Variants in AKR1E2 observed in about 807,000 individuals in gnomAD.
The protein encoded by AKR1E2 is aldo-keto reductase family 1 member E2.
A neutral mutation model predicts 41.9 loss-of-function variants in AKR1E2; 43 were observed. That is an observed-to-expected ratio of 1.03 (90% CI 0.80 to 1.32). The LOEUF is 1.32. Among genes scored for constraint, AKR1E2 ranks in the 40% most tolerant of loss-of-function variants. AKR1E2 has a pLI of 0.00. For missense variants in AKR1E2, 423 were observed against 396.5 expected (o/e 1.07, Z -0.57); for synonymous variants, 121 against 138.9 (o/e 0.87, Z 0.91).
At position 4,835,829 on chromosome 10, in the gene AKR1E2, C is replaced by T; in HGVS notation, c.459+20C>T. 1 of 1,612,612 alleles carries T rather than the reference C, an allele frequency of 6.2e-7. No individual in the cohort carries two copies. The highest frequency in any genetic ancestry group is 2.2e-5 in the East Asian group (1 of 44,846). On this transcript the variant is annotated intron_variant, in intron 4 of 9. Coordinates refer to ENST00000298375, the MANE Select transcript of AKR1E2 (RefSeq NM_001040177.3). ...TGGGAGGTGAGCTGAGCCACACCAC[C>T]AGGCAGCCTCATCCTGTGTGGGTCT...
intron 8 of AKR1E2, chr10:4,845,988 G>A: frequency 2.4e-6 from 1 of 413,858 alleles, no homozygotes; most frequent in South Asian, 1.8e-5. Flanking sequence ...GGCATCCAGT[G>A]CAGGGGGCTG....
chr10:4,848,407 T>G (rs1210493396), downstream of AKR1E2, among the ~76,000 whole-genome samples: 1 of 152,226 alleles, frequency 6.6e-6, no homozygotes. Flanking sequence ...TGTGGGTTAA[T>G]GGACTTCCTG....
chr10:4,839,590 A>T (rs950409708), intron 5 of AKR1E2, 139 bp from the exon 6 acceptor site: 21 of 732,130 alleles, frequency 2.9e-5, no homozygotes, highest in Non-Finnish European at 4.9e-5. Context: ...CAGACTCCTC[A>T]CAACAGAAAC....
At chr10:4,832,282 C>A in intron 2 of AKR1E2, among the ~76,000 whole-genome samples, 1 of 152,160 alleles carries the variant, frequency 6.6e-6, no homozygotes, top group Non-Finnish European at 1.5e-5. Flanking sequence ...AGTTTCATAC[C>A]TCAAGATTCA....
chr10:4,842,819 G>A (rs985981086), intron 8 of AKR1E2, among the ~76,000 whole-genome samples: 4 of 152,306 alleles, frequency 2.6e-5, no homozygotes, highest in South Asian at 2.1e-4. Flanking sequence ...ACATGGCTGC[G>A]CTCGCCCACA....
chr10:4,832,560 G>A (rs1449362864), intron 2 of AKR1E2, among the ~76,000 whole-genome samples: 4 of 152,114 alleles, frequency 2.6e-5, no homozygotes, highest in Non-Finnish European at 4.4e-5. Flanking sequence ...TTGGAAATTT[G>A]GAAAAGTCAT....
chr10:4,834,772 A>G (rs1833269049), intron 3 of AKR1E2, among the ~76,000 whole-genome samples: 1 of 152,206 alleles, frequency 6.6e-6, no homozygotes. Flanking sequence ...TGGGTCGTAG[A>G]AAAGGAAAAG....
upstream of AKR1E2, among the ~76,000 whole-genome samples, chr10:4,825,747 T>G (rs1471893650): frequency 6.6e-6 from 1 of 152,196 alleles, no homozygotes; most frequent in African/African-American, 2.4e-5. Flanking sequence ...GCGCACCCTG[T>G]GCCCCAGGGG....
the AKR1E2 span, among the ~76,000 whole-genome samples, chr10:4,869,269 T>C: frequency 6.6e-6 from 1 of 152,174 alleles, no homozygotes; most frequent in African/African-American, 2.4e-5. Flanking sequence ...TTGGGTATTT[T>C]TCAGGGGAAT....
the AKR1E2 span, among the ~76,000 whole-genome samples, chr10:4,865,831 G>A: frequency 2.6e-5 from 4 of 152,092 alleles, no homozygotes; most frequent in Non-Finnish European, 5.9e-5. Flanking sequence ...CAACCCAACC[G>A]TTGCCACCAC....
the AKR1E2 span, among the ~76,000 whole-genome samples, chr10:4,866,645 G>GTTTTTTTT: frequency 1.7e-5 from 2 of 119,198 alleles, no homozygotes; most frequent in South Asian, 2.8e-4. Flanking sequence ...TTTTGTTTTT[G>GTTTTTTTT]TTTTTTTTTT....
chr10:4,862,283 G>A, the AKR1E2 span, among the ~76,000 whole-genome samples: 1 of 152,094 alleles, frequency 6.6e-6, no homozygotes, highest in Non-Finnish European at 1.5e-5. Context: ...CTGTTCCATT[G>A]GTCTATATCT....
At chr10:4,871,645 G>A in the AKR1E2 span, among the ~76,000 whole-genome samples, 1 of 147,560 alleles carries the variant, frequency 6.8e-6, no homozygotes, top group Non-Finnish European at 1.5e-5. Flanking sequence ...AAAAGCAAAT[G>A]CCAAGGCTGC....
At chr10:4,825,469 C>T (rs1274187250), upstream of AKR1E2, among the ~76,000 whole-genome samples, 1 of 152,158 alleles carries the variant, frequency 6.6e-6, no homozygotes, top group African/African-American at 2.4e-5. Context: ...CAGTCCACCC[C>T]ATCCACTTCC....
intron 8 of AKR1E2, among the ~76,000 whole-genome samples, chr10:4,845,568 T>G (rs376431704): frequency 1.3e-5 from 2 of 151,314 alleles, no homozygotes; most frequent in African/African-American, 4.9e-5. Flanking sequence ...GGATTGCCCC[T>G]GGGAGGACAT....
intron 3 of AKR1E2, among the ~76,000 whole-genome samples, chr10:4,834,869 G>GTGATGC: frequency 6.6e-6 from 1 of 152,354 alleles, no homozygotes; most frequent in East Asian, 1.9e-4. Flanking sequence ...TAGGCCTTGT[G>GTGATGC]TGATGCTGGA....
At chr10:4,863,069 A>G in the AKR1E2 span, among the ~76,000 whole-genome samples, 1 of 152,168 alleles carries the variant, frequency 6.6e-6, no homozygotes, top group Non-Finnish European at 1.5e-5. Context: ...AAAGTTAGCA[A>G]GGATATCCAG....
chr10:4,825,179 T>C (rs574383967), upstream of AKR1E2: 3 of 344,274 alleles, frequency 8.7e-6, no homozygotes, highest in Non-Finnish European at 1.8e-5. Flanking sequence ...ACACCCAGAG[T>C]GACCCTGGGA....
chr10:4,833,141 T>C (rs1833113944), intron 2 of AKR1E2, among the ~76,000 whole-genome samples: 1 of 152,302 alleles, frequency 6.6e-6, no homozygotes, highest in African/African-American at 2.4e-5. Context: ...GGCAGAAGGA[T>C]CCCAGCTTTG....
Sources: gnomAD v4.1 joint callset for allele counts (sites outside exome capture counted in the v4.1 genomes callset) on GRCh38, gnomAD v4.1.1 for gene constraint, MANE v1.5 for transcripts, NCBI Gene and HGNC (gene_info 2026-07-23, HGNC 2026-07-21) for gene names.